Variants in ZBTB8OS observed in about 807,000 individuals in gnomAD.
ZBTB8OS encodes tRNA splicing ligase complex subunit 1, also known as tRNA-splicing ligase-activating factor archease.
ZBTB8OS carries 16 observed loss-of-function variants against 29.3 expected under a neutral mutation model. The ratio of observed to expected loss-of-function variants is 0.55; its 90% CI spans 0.37 to 0.83. The LOEUF is 0.83. Among genes scored for constraint, ZBTB8OS ranks in the 40% least tolerant of loss-of-function variants. The pLI, the probability that ZBTB8OS is intolerant of heterozygous loss-of-function variation, is 0.00. For synonymous variants in ZBTB8OS, 70 were observed against 64.6 expected (o/e 1.08, Z -0.40); for missense variants, 160 against 196.9 (o/e 0.81, Z 1.12).
At chr1:32,639,569 G>A (rs1389248031) in intron 1 of ZBTB8OS, among the ~76,000 whole-genome samples, 1 of 152,038 alleles carries the variant, frequency 6.6e-6, no homozygotes, top group African/African-American at 2.4e-5. Flanking sequence ...AGACTAGCCT[G>A]GACAACATAG....
intron 1 of ZBTB8OS, among the ~76,000 whole-genome samples, chr1:32,635,276 CTT>C (rs4011958): frequency 1.3e-4 from 19 of 141,804 alleles, no homozygotes; most frequent in Admixed American, 2.1e-4. Flanking sequence ...TATCATGACT[CTT>C]TTTTTTTTTT....
At chr1:32,631,646 A>G (rs1161766256) in intron 5 of ZBTB8OS, among the ~76,000 whole-genome samples, 181 bp downstream of exon 5, 1 of 152,184 alleles carries the variant, frequency 6.6e-6, no homozygotes, top group Admixed American at 6.6e-5. Flanking sequence ...TGGGAATCAG[A>G]TTTAACAATT....
chr1:32,634,202 T>C lies in ZBTB8OS; in HGVS notation c.123-130A>G, dbSNP rs370209212. 1.4e-4 allele frequency: 88 copies of C among 632,654 alleles called. 1 individual carries two copies. The highest frequency in any genetic ancestry group is 1.0e-3 in the Middle Eastern group (3 of 2,952). 39.2% of individuals were successfully genotyped at this position (632,654 alleles called of 1,614,324 possible). On this transcript the variant is annotated intron_variant, in intron 2 of 6. Transcript: ENST00000468695. ...AAGGCCTCAATCAATTTAACAGCACTGCAACCAGGTGCTTTTCTTTTTATT... is the reference window on the plus strand; with the variant it reads ...AAGGCCTCAATCAATTTAACAGCACCGCAACCAGGTGCTTTTCTTTTTATT...
intron 6 of ZBTB8OS, among the ~76,000 whole-genome samples, chr1:32,622,190 G>C (rs1490147348): frequency 1.3e-5 from 2 of 152,082 alleles, no homozygotes; most frequent in Non-Finnish European, 2.9e-5. Context: ...TTTCCACCTG[G>C]GTGTATAGAA....
chr1:32,630,430 G>A (rs1471410042), intron 5 of ZBTB8OS, among the ~76,000 whole-genome samples: 1 of 152,036 alleles, frequency 6.6e-6, no homozygotes, highest in East Asian at 1.9e-4. Context: ...GTGCGCACCT[G>A]TAGTCCCAGC....
rs1400142979 is a variant in ZBTB8OS, at chr1:32,633,626, A to T, written c.327+19T>A. ...CTAAGAATCCATTTGCTCAGTAAAAAAGAAAAACCTTTGCTTACCCGGGGT... is the reference window on the plus strand; with the variant it reads ...CTAAGAATCCATTTGCTCAGTAAAATAGAAAAACCTTTGCTTACCCGGGGT... On this transcript the variant is annotated intron_variant, in intron 4 of 6. Transcript: ENST00000468695. 9.6e-6 allele frequency: 15 copies of T among 1,569,164 alleles called. No homozygotes were observed. The highest frequency in any genetic ancestry group is 1.3e-5 in the Non-Finnish European group (15 of 1,159,882).
chr1:32,631,811 G>A lies in ZBTB8OS; in HGVS notation c.380+16C>T. 6.4e-7 allele frequency: 1 copy of A among 1,570,842 alleles called. No individual in the cohort carries two copies. Among genetic ancestry groups the A allele is most frequent in the Non-Finnish European group, 8.7e-7 (1 of 1,147,650 alleles). ...TATAACTTTAACTCGGTACTTAAAA[G>A]ACTTTCAAAACTTACCCAATTGATC... is the stretch of plus-strand genomic sequence containing the variant. On this transcript the variant is annotated intron_variant, in intron 5 of 6. Coordinates refer to ENST00000468695, the MANE Select transcript of ZBTB8OS (RefSeq NM_178547.5).
At chr1:32,648,949 C>A (rs1162581392) in intron 1 of ZBTB8OS, among the ~76,000 whole-genome samples, 1 of 144,418 alleles carries the variant, frequency 6.9e-6, no homozygotes, top group African/African-American at 2.6e-5. Flanking sequence ...CAGGCGTGAG[C>A]CACAGCACCA....
intron 1 of ZBTB8OS, among the ~76,000 whole-genome samples, chr1:32,648,062 A>G (rs1646991848): frequency 6.6e-6 from 1 of 152,226 alleles, no homozygotes; most frequent in African/African-American, 2.4e-5. Flanking sequence ...CCCAAGAGAA[A>G]AAAGGGCTAA....
intron 1 of ZBTB8OS, among the ~76,000 whole-genome samples, chr1:32,646,520 T>TG (rs1646845036): frequency 6.6e-6 from 1 of 151,356 alleles, no homozygotes; most frequent in Non-Finnish European, 1.5e-5. Context: ...CCCGAGTAGC[T>TG]GGGACTACAG....
chr1:32,633,930 C>T, intron 3 of ZBTB8OS, 21 bp downstream of exon 3: 1 of 1,551,438 alleles, frequency 6.4e-7, no homozygotes, highest in South Asian at 1.3e-5. Context: ...ACAATTTCTT[C>T]CTTGTGAATA....
rs563378255 is a variant in ZBTB8OS, at chr1:32,624,983, G to A, written c.417+2525C>T. 4.6e-5 allele frequency among the ~76,000 whole-genome samples: 7 copies of A among 152,054 alleles called. No individual in the cohort carries two copies. In the East Asian group the frequency reaches 1.4e-3, roughly 29 times the overall value. ...TCACGCTTATAATCCCAGCACTTTGGGAGGCCAAGGTGGGTGGATCACCTG... is the reference window on the plus strand; with the variant it reads ...TCACGCTTATAATCCCAGCACTTTGAGAGGCCAAGGTGGGTGGATCACCTG... On this transcript the variant is annotated intron_variant, in intron 6 of 6. Transcript: ENST00000468695.
intron 1 of ZBTB8OS, among the ~76,000 whole-genome samples, chr1:32,643,070 C>CT (rs71006346): frequency 0.85 from 91,040 of 107,514 alleles, 40,079 homozygotes; most frequent in Non-Finnish European, 0.95. Flanking sequence ...CGTGCCTGGC[C>CT]TTTTTTTTTT....
At chr1:32,641,870 G>T (rs1011003476) in intron 1 of ZBTB8OS, among the ~76,000 whole-genome samples, 1 of 151,986 alleles carries the variant, frequency 6.6e-6, no homozygotes, top group Admixed American at 6.6e-5. Flanking sequence ...GCAGTGAGCC[G>T]AGATTGTGCC....
Position 32,650,455 on chromosome 1 carries a change from C to A in ZBTB8OS, c.75G>T (p.Pro25=), listed in dbSNP as rs761339214. The change falls in exon 1 of 7, where the codon CCG becomes CCT. Residue 25 remains proline (P), a synonymous_variant. Coordinates refer to ENST00000468695, the MANE Select transcript of ZBTB8OS (RefSeq NM_178547.5). ...EEQKAIKAKY[P]PVNRKYEYLD... ...CACACTCGTACTTCCTATTGACTGGCGGATACTTGGCCTTGATCGCCTTCT... is the reference window on the plus strand; with the variant it reads ...CACACTCGTACTTCCTATTGACTGGAGGATACTTGGCCTTGATCGCCTTCT... 7 of 1,614,006 alleles carry A rather than the reference C, an allele frequency of 4.3e-6. No individual in the cohort carries two copies. The highest frequency in any genetic ancestry group is 5.9e-6 in the Non-Finnish European group (7 of 1,180,014).
intron 5 of ZBTB8OS, among the ~76,000 whole-genome samples, chr1:32,630,315 T>C (rs1031057650): frequency 2.0e-5 from 3 of 151,038 alleles, no homozygotes; most frequent in African/African-American, 4.9e-5. Flanking sequence ...TCGCTTGAAC[T>C]CTGGAGGCAG....
intron 1 of ZBTB8OS, among the ~76,000 whole-genome samples, chr1:32,642,156 A>G (rs1210618417): frequency 6.6e-6 from 1 of 152,136 alleles, no homozygotes; most frequent in African/African-American, 2.4e-5. Context: ...AAGATACAAC[A>G]CAAGGAAGAA....
intron 1 of ZBTB8OS, among the ~76,000 whole-genome samples, chr1:32,643,301 G>A (rs1264411422): frequency 1.3e-5 from 2 of 151,782 alleles, no homozygotes; most frequent in South Asian, 2.1e-4. Context: ...TCGAACCCCC[G>A]ACCTCAGGTG....
chr1:32,632,650 T>A (rs1474315323), intron 4 of ZBTB8OS, among the ~76,000 whole-genome samples: 1 of 152,156 alleles, frequency 6.6e-6, no homozygotes, highest in Non-Finnish European at 1.5e-5. Context: ...ATTAAATATA[T>A]TTCAAGGAAA....
Sources: gnomAD v4.1 joint callset for allele counts (sites outside exome capture counted in the v4.1 genomes callset) on GRCh38, gnomAD v4.1.1 for gene constraint, MANE v1.5 for transcripts, NCBI Gene and HGNC (gene_info 2026-07-23, HGNC 2026-07-21) for gene names.